VASP: variants seen among roughly 807,000 people sequenced by gnomAD.
VASP encodes vasodilator-stimulated phosphoprotein.
Under a neutral mutation model 54.4 loss-of-function variants are expected in VASP, and 27 were observed. That is an observed-to-expected ratio of 0.50 (90% CI 0.37 to 0.68). The LOEUF is 0.68. Among genes scored for constraint, VASP ranks in the 30% least tolerant of loss-of-function variants. VASP has a pLI of 0.00. For synonymous variants in VASP, 233 were observed against 209.8 expected (o/e 1.11, Z -0.96); for missense variants, 488 against 528.3 (o/e 0.92, Z 0.75).
Position 45,523,937 on chromosome 19 carries a change from C to T in VASP, c.910+60C>T, listed in dbSNP as rs998033034. The stretch of plus-strand genomic sequence containing the variant: ...CAAATCCCAGAATACTCTGTTCTCA[C>T]ATGTTAAGCACCCTTATAGGAGAGT... On this transcript the variant is annotated intron_variant, in intron 9 of 12. Transcript: ENST00000245932. 14 of 1,611,404 alleles carry T rather than the reference C, an allele frequency of 8.7e-6. No individual in the cohort carries two copies. In the African/African-American group the frequency reaches 1.7e-4, roughly 20 times the overall value.
In VASP at chr19:45,524,567, C is replaced by T; in HGVS notation, c.957-3C>T. On this transcript the variant is annotated splice_region_variant and splice_polypyrimidine_tract_variant and intron_variant, in intron 10 of 12. Coordinates refer to ENST00000245932, the MANE Select transcript of VASP (RefSeq NM_003370.4). The stretch of plus-strand genomic sequence containing the variant: ...CTGTCCCAAACCACACCAACTCCCC[C>T]AGGATGAAGTCGTCTTCTTCGGTGA... 3 of 1,613,996 alleles carry T rather than the reference C, an allele frequency of 1.9e-6. No individual in the cohort carries two copies. Among genetic ancestry groups the T allele is most frequent in the Middle Eastern group, 1.6e-4 (1 of 6,062 alleles).
At chr19:45,519,894 C>A (rs1372999204) in intron 3 of VASP, among the ~76,000 whole-genome samples, 5 of 50,974 alleles carry the variant, frequency 9.8e-5, no homozygotes, top group Admixed American at 5.6e-4. Flanking sequence ...TGCGCCCGGC[C>A]TTTTTTTTTT....
rs1268257107 is a variant in VASP at position 45,523,823 on chromosome 19, A to G, written c.874-18A>G. 4 of 1,613,918 alleles carry G rather than the reference A, an allele frequency of 2.5e-6. No individual in the cohort carries two copies. In the Admixed American group the frequency reaches 5.0e-5, roughly 20 times the overall value. On this transcript the variant is annotated intron_variant, in intron 8 of 12. Coordinates refer to ENST00000245932, the MANE Select transcript of VASP (RefSeq NM_003370.4). ...GGTGTGGCAGGGGCTGGCTCATGGC[A>G]GTTTTATTTCCTACCAGCAGGAGGA... is the stretch of plus-strand genomic sequence containing the variant.
intron 1 of VASP, among the ~76,000 whole-genome samples, chr19:45,509,501 C>T (rs1342425750): frequency 7.0e-6 from 1 of 142,834 alleles, no homozygotes; most frequent in Non-Finnish European, 1.5e-5. Context: ...GGTGTCTGGG[C>T]CGGCCCCCTG....
chr19:45,525,292 G>T (rs762354908), intron 11 of VASP, among the ~76,000 whole-genome samples: 1 of 152,098 alleles, frequency 6.6e-6, no homozygotes, highest in Non-Finnish European at 1.5e-5. Flanking sequence ...GGCCAGGTGC[G>T]GTGGCTCATG....
At chr19:45,521,184 G>A (rs1968823318) in intron 3 of VASP, 138 bp from the exon 4 acceptor site, 1 of 851,450 alleles carries the variant, frequency 1.2e-6, no homozygotes, top group Non-Finnish European at 1.9e-6. Flanking sequence ...TCCTGGGCCT[G>A]GAGCCTCAGG....
chr19:45,525,446 C>T (rs1334413322), intron 11 of VASP, among the ~76,000 whole-genome samples: 2 of 152,164 alleles, frequency 1.3e-5, no homozygotes, highest in Non-Finnish European at 2.9e-5. Flanking sequence ...CAGCCATAAT[C>T]CCAGCAGTTT....
intron 1 of VASP, among the ~76,000 whole-genome samples, chr19:45,517,354 C>G (rs1968724646): frequency 6.9e-6 from 1 of 145,012 alleles, no homozygotes; most frequent in African/African-American, 2.5e-5. Flanking sequence ...ATCCTTTTTC[C>G]CCACCCCTCC....
In VASP at chr19:45,507,591, C is replaced by A; in HGVS notation, c.-181C>A. The A allele has an allele frequency of 1.5e-6, 1 of 650,812 alleles. No individual in the cohort carries two copies. The highest frequency in any genetic ancestry group is 2.5e-6 in the Non-Finnish European group (1 of 408,098). 40.3% of individuals were successfully genotyped at this position (650,812 alleles called of 1,614,324 possible). ...CTCTCATCAGACCGCCTGAGGGAAGCGGCGCCCGGAGACCCGCCCCGGCCC... is the reference window on the plus strand; with the variant it reads ...CTCTCATCAGACCGCCTGAGGGAAGAGGCGCCCGGAGACCCGCCCCGGCCC... On this transcript the variant is annotated 5_prime_UTR_variant, in exon 1 of 13. Transcript: ENST00000245932. The surrounding 1 kb of genome is among the most constrained non-coding windows in gnomAD (Gnocchi z 4.4).
rs1421006393 is a variant in VASP, at chr19:45,521,375, C to T, written c.397C>T (p.Pro133Ser). The change falls in exon 4 of 13, where the codon CCC (proline) becomes TCC (serine). Residue 133 changes from proline to serine, a missense_variant. Coordinates refer to ENST00000245932, the MANE Select transcript of VASP (RefSeq NM_003370.4). ...TCCCACCTGGTCGGTCCCGAACGGC[C>T]CCTCCCCGGAGGAGGTGGAGCAGCA... ...ALPTWSVPNG[P>S]SPEEVEQQKR... The T allele has an allele frequency of 1.7e-5, 27 of 1,580,066 alleles. No homozygotes were observed. The highest frequency in any genetic ancestry group is 1.4e-4 in the East Asian group (6 of 43,504).
chr19:45,514,386 GTTTGT>G (rs150701907), intron 1 of VASP, among the ~76,000 whole-genome samples: 24,534 of 151,774 alleles, frequency 0.16, 2,170 homozygotes, highest in East Asian at 0.34. Context: ...GTTTTTGTTA[GTTTGT>G]TTTGTTTTTT....
chr19:45,519,620 G>A (rs1269059534), intron 3 of VASP, among the ~76,000 whole-genome samples: 1 of 125,710 alleles, frequency 8.0e-6, no homozygotes. Flanking sequence ...TTTTGGAGAC[G>A]GAGTCTCGCT....
chr19:45,508,316 A>G (rs1166678674), intron 1 of VASP, among the ~76,000 whole-genome samples: 1 of 152,130 alleles, frequency 6.6e-6, no homozygotes, highest in Non-Finnish European at 1.5e-5. Flanking sequence ...AATCCCCTGG[A>G]TTTTGGGGGT....
At chr19:45,514,198 G>A (rs1397153100) in intron 1 of VASP, among the ~76,000 whole-genome samples, 1 of 152,154 alleles carries the variant, frequency 6.6e-6, no homozygotes, top group Non-Finnish European at 1.5e-5. Context: ...TGGCCTGCGG[G>A]AAGAGCAGCA....
intron 1 of VASP, among the ~76,000 whole-genome samples, chr19:45,509,922 T>G (rs1385464152): frequency 6.6e-6 from 1 of 152,104 alleles, no homozygotes; most frequent in Non-Finnish European, 1.5e-5. Context: ...CTGGGGGCAG[T>G]TGGAAGAGAG....
chr19:45,517,173 A>G (rs1260884568), intron 1 of VASP, among the ~76,000 whole-genome samples: 1 of 151,158 alleles, frequency 6.6e-6, no homozygotes, highest in Non-Finnish European at 1.5e-5. Context: ...AATTATTATT[A>G]TTAGAGATGG....
chr19:45,515,586 G>C (rs1031455562), intron 1 of VASP, among the ~76,000 whole-genome samples: 1 of 152,118 alleles, frequency 6.6e-6, no homozygotes, highest in Non-Finnish European at 1.5e-5. Context: ...GCCCAGGCTG[G>C]AGTGCAATGG....
intron 3 of VASP, among the ~76,000 whole-genome samples, chr19:45,521,108 C>T (rs1189628623): frequency 1.3e-5 from 2 of 152,260 alleles, no homozygotes; most frequent in Non-Finnish European, 2.9e-5. Context: ...GACATCACAA[C>T]AGCACCTACC....
chr19:45,515,041 AG>A (rs1006908416), intron 1 of VASP, among the ~76,000 whole-genome samples: 1 of 152,176 alleles, frequency 6.6e-6, no homozygotes, highest in Non-Finnish European at 1.5e-5. Flanking sequence ...GAGGGGCTTA[AG>A]GCCCCTGATC....
Sources: allele counts gnomAD v4.1 joint callset (sites outside exome capture counted in the v4.1 genomes callset), GRCh38; gene constraint gnomAD v4.1.1; non-coding constraint Gnocchi (gnomAD v3.1); transcripts MANE v1.5; gene names NCBI Gene and HGNC (gene_info 2026-07-23, HGNC 2026-07-21).